Variants in CNTN5 observed in about 807,000 individuals in gnomAD.
CNTN5 encodes contactin-5.
In CNTN5, 77 loss-of-function variants were observed where a neutral mutation model predicts 129.1. The ratio of observed to expected loss-of-function variants is 0.60; its 90% confidence interval spans 0.50 to 0.72. The LOEUF (loss-of-function observed/expected upper bound fraction) is 0.72. Among genes scored for constraint, CNTN5 ranks in the 30% least tolerant of loss-of-function variants. The pLI is 0.00. For missense variants in CNTN5, 1,478 were observed against 1,328.8 expected (o/e 1.11, Z -1.75); for synonymous variants, 509 against 465.6 (o/e 1.09, Z -1.20).
intron 1 of CNTN5, among the ~76,000 whole-genome samples, chr11:99,038,956 A>G (rs1026598749): frequency 2.0e-5 from 3 of 152,124 alleles, no homozygotes; most frequent in Admixed American, 6.6e-5. Context: ...TAATTGTTGT[A>G]TTGATTATAT....
chr11:100,188,818 C>T (rs1020108540), intron 13 of CNTN5, among the ~76,000 whole-genome samples: 1 of 152,072 alleles, frequency 6.6e-6, no homozygotes, highest in Non-Finnish European at 1.5e-5. Context: ...ATGAAGACAT[C>T]GACTCAACCT....
At chr11:99,609,942 C>G (rs2135726762) in intron 3 of CNTN5, among the ~76,000 whole-genome samples, 1 of 152,164 alleles carries the variant, frequency 6.6e-6, no homozygotes, top group South Asian at 2.1e-4. Context: ...TTCTATGTGC[C>G]AGGCACTATG....
intron 18 of CNTN5, among the ~76,000 whole-genome samples, chr11:100,281,436 C>T (rs939231709): frequency 2.0e-5 from 3 of 152,032 alleles, no homozygotes; most frequent in Non-Finnish European, 2.9e-5. Context: ...GTAAAGTTTC[C>T]ACTGAAAAGT....
intron 3 of CNTN5, among the ~76,000 whole-genome samples, chr11:99,579,396 A>C (rs1286865436): frequency 6.6e-6 from 1 of 151,934 alleles, no homozygotes; most frequent in Non-Finnish European, 1.5e-5. Flanking sequence ...TGGGGATGGC[A>C]TTGAATGTAT....
chr11:100,099,550 G>A (rs556188260), intron 13 of CNTN5, among the ~76,000 whole-genome samples: 2 of 151,446 alleles, frequency 1.3e-5, no homozygotes, highest in African/African-American at 4.9e-5. Context: ...CATCACAAGG[G>A]GATAACTACA....
At chr11:99,953,290 G>A (rs891233052) in intron 7 of CNTN5, among the ~76,000 whole-genome samples, 2 of 152,150 alleles carry the variant, frequency 1.3e-5, no homozygotes, top group Non-Finnish European at 2.9e-5. Flanking sequence ...GGAGCAAAGA[G>A]AAGATCTTCT....
chr11:99,067,758 A>G (rs989432249), intron 1 of CNTN5, among the ~76,000 whole-genome samples: 1 of 152,194 alleles, frequency 6.6e-6, no homozygotes, highest in East Asian at 1.9e-4. Context: ...TATGAAGTCT[A>G]GCTCTAATAT....
rs192622432 is a variant in CNTN5 at position 99,664,805 on chromosome 11, T to A, written c.55+108536T>A. 9.3e-4 allele frequency among the ~76,000 whole-genome samples: 141 copies of A among 152,286 alleles called. 1 individual carries two copies. Among genetic ancestry groups the A allele is most frequent in the Non-Finnish European group, 5.1e-4 (35 of 68,008 alleles). ...GAAGAAATATTTATTACTACTGAAA[T>A]TTATGACCACATGGATCTTCCAGGG... is the stretch of plus-strand genomic sequence containing the variant. On this transcript the variant is annotated intron_variant, in intron 3 of 24. Coordinates refer to ENST00000524871, the MANE Select transcript of CNTN5 (RefSeq NM_014361.4).
At chr11:100,097,435 A>G (rs543120520) in intron 13 of CNTN5, among the ~76,000 whole-genome samples, 1 of 152,240 alleles carries the variant, frequency 6.6e-6, no homozygotes, top group African/African-American at 2.4e-5. Context: ...GAAAAAGAAT[A>G]AGTTTTCTGG....
chr11:99,223,604 G>A (rs959156702), intron 1 of CNTN5, among the ~76,000 whole-genome samples: 2 of 152,146 alleles, frequency 1.3e-5, no homozygotes, highest in African/African-American at 4.8e-5. Flanking sequence ...CTTAAGCAAT[G>A]CTTGAGCCCT....
chr11:99,327,954 C>G (rs1865850127), intron 2 of CNTN5, among the ~76,000 whole-genome samples: 1 of 152,102 alleles, frequency 6.6e-6, no homozygotes, highest in South Asian at 2.1e-4. Context: ...CTGAATGGCT[C>G]TAGGTTTATA....
intron 2 of CNTN5, among the ~76,000 whole-genome samples, chr11:99,344,677 A>G (rs1011929435): frequency 3.3e-5 from 5 of 152,222 alleles, no homozygotes; most frequent in Non-Finnish European, 7.3e-5. Context: ...ATCAAATGTC[A>G]TCAGTGAAGC....
chr11:100,165,788 A>G (rs759696753), intron 13 of CNTN5, among the ~76,000 whole-genome samples: 2 of 151,780 alleles, frequency 1.3e-5, no homozygotes, highest in Admixed American at 6.6e-5. Flanking sequence ...TGTTAGGCAC[A>G]GTGCTGATCG....
intron 3 of CNTN5, among the ~76,000 whole-genome samples, chr11:99,779,905 C>A (rs772692192): frequency 2.0e-5 from 3 of 151,904 alleles, no homozygotes; most frequent in Non-Finnish European, 1.5e-5. Context: ...AATTCAGATG[C>A]CACCCTTGTA....
intron 2 of CNTN5, among the ~76,000 whole-genome samples, chr11:99,441,938 C>A (rs77693326): frequency 4.6e-5 from 7 of 152,138 alleles, no homozygotes; most frequent in African/African-American, 1.7e-4. Context: ...TCTCTGCCTC[C>A]GTACTATTGA....
intron 6 of CNTN5, among the ~76,000 whole-genome samples, chr11:99,882,051 G>T (rs984731340): frequency 6.6e-5 from 10 of 152,244 alleles, no homozygotes; most frequent in African/African-American, 2.4e-4. Flanking sequence ...TTGTGGAGAG[G>T]CATATAACCT....
At chr11:99,779,028 A>G (rs1316012951) in intron 3 of CNTN5, among the ~76,000 whole-genome samples, 1 of 151,872 alleles carries the variant, frequency 6.6e-6, no homozygotes, top group Non-Finnish European at 1.5e-5. Flanking sequence ...TTTATACCTC[A>G]TCAGAAAATT....
At chr11:100,082,995 C>T (rs1399428554) in intron 13 of CNTN5, among the ~76,000 whole-genome samples, 1 of 151,962 alleles carries the variant, frequency 6.6e-6, no homozygotes, top group Non-Finnish European at 1.5e-5. Context: ...CAGAAGCAGG[C>T]ACCTCACATG....
At chr11:100,138,689 CTTTGA>C (rs902826047) in intron 13 of CNTN5, among the ~76,000 whole-genome samples, 2 of 151,968 alleles carry the variant, frequency 1.3e-5, no homozygotes, top group African/African-American at 4.8e-5. Flanking sequence ...CACTGAAGGA[CTTTGA>C]TTTTTCACTT....
Sources: allele counts gnomAD v4.1 joint callset (sites outside exome capture counted in the v4.1 genomes callset), GRCh38; gene constraint gnomAD v4.1.1; transcripts MANE v1.5; gene names NCBI Gene and HGNC (gene_info 2026-07-23, HGNC 2026-07-21).